The following DTX3L variants were observed in gnomAD, a reference collection of about 807,000 sequenced individuals.
DTX3L encodes the protein deltex E3 ubiquitin ligase 3L.
Under a neutral mutation model 60.9 loss-of-function variants are expected in DTX3L, and 34 were observed. The ratio of observed to expected loss-of-function variants is 0.56; its 90% CI spans 0.42 to 0.74. The LOEUF (loss-of-function observed/expected upper bound fraction) is 0.74, where lower values mean the gene tolerates loss of function less well. Ranked by LOEUF, DTX3L falls within the 30% of genes least tolerant of loss-of-function variation. The pLI is 0.00. For synonymous variants in DTX3L, 290 were observed against 316.6 expected (o/e 0.92, Z 0.89); for missense variants, 810 against 874.0 (o/e 0.93, Z 0.92).
rs760868237 is a variant in DTX3L at position 122,568,667 on chromosome 3, T to C, written c.578T>C (p.Leu193Pro). Reference protein sequence around the residue: ...RIHQFLSEQFLESEQKQQFSP... With the variant: ...RIHQFLSEQFPESEQKQQFSP... ...CATCAATTTTTGAGTGAGCAGTTCC[T>C]GGAAAGTGAGCAGAAACAACAATTT... The change falls in exon 3 of 5, where the codon CTG becomes CCG. Residue 193 changes from leucine to proline, a missense_variant. Transcript: ENST00000296161. 20 of 1,614,048 alleles carry C rather than the reference T, an allele frequency of 1.2e-5. No individual in the cohort carries two copies. Among genetic ancestry groups the C allele is most frequent in the Admixed American group, 5.0e-5 (3 of 60,004 alleles).
rs2107781564 is a variant in DTX3L at position 122,568,805 on chromosome 3, C to G, written c.716C>G (p.Pro239Arg). 1 of 1,613,978 alleles carries G rather than the reference C, an allele frequency of 6.2e-7. No homozygotes were observed. The highest frequency in any genetic ancestry group is 2.2e-5 in the East Asian group (1 of 44,884). ...CAAAAAAGCAACTATTTTGAAGTTC[C>G]CTTGCCTTACTTTGAATACTTTAAA... ...AEQKSNYFEV[P>R]LPYFEYFKYI... Residue 239 changes from proline (P) to arginine (R), a missense_variant, in exon 3 of 5, where the codon CCC becomes CGC. Coordinates refer to ENST00000296161, the MANE Select transcript of DTX3L (RefSeq NM_138287.3).
In DTX3L at chr3:122,564,399, C is replaced by A. The variant is rs746821453; in HGVS notation, c.-28C>A. The A allele has an allele frequency of 3.8e-6, 6 of 1,587,714 alleles. No homozygotes were observed. Among genetic ancestry groups the A allele is most frequent in the Admixed American group, 1.8e-5 (1 of 54,628 alleles). On this transcript the variant is annotated 5_prime_UTR_variant, in exon 1 of 5. Transcript: ENST00000296161. ...TTTACCGCCCAGCTGCCTCCCGGAG[C>A]CCCCGCGCCCTCCCGACGCGCAGAG...
At chr3:122,565,512 TAAA>T (rs770609802) in intron 1 of DTX3L, among the ~76,000 whole-genome samples, 9 of 53,110 alleles carry the variant, frequency 1.7e-4, no homozygotes, top group African/African-American at 5.5e-4. Flanking sequence ...AGACTCCGTC[TAAA>T]AAAAAAAAAA....
Position 122,569,209 on chromosome 3 carries a change from A to C in DTX3L, c.1120A>C (p.Met374Leu). The change falls in exon 3 of 5, where the codon ATG becomes CTG. Residue 374 changes from methionine to leucine, a missense_variant. Met to Leu is a conservative substitution (Grantham distance 15, BLOSUM62 2). Coordinates refer to ENST00000296161, the MANE Select transcript of DTX3L (RefSeq NM_138287.3). ...TGTGAAACTATTTGCTGCCAATTAC[A>C]TGATGAATGTAATTGAGGTTGATAG... ...IPVKLFAANY[M>L]MNVIEVDSAH... 6.2e-7 allele frequency: 1 copy of C among 1,614,236 alleles called. No individual in the cohort carries two copies. The highest frequency in any genetic ancestry group is 8.5e-7 in the Non-Finnish European group (1 of 1,180,034).
In DTX3L at chr3:122,570,530, A is replaced by G. The variant is rs1442503814; in HGVS notation, c.2011A>G (p.Arg671Gly). 3.1e-6 allele frequency: 5 copies of G among 1,614,086 alleles called. No individual in the cohort carries two copies. Among genetic ancestry groups the G allele is most frequent in the Middle Eastern group, 1.6e-4 (1 of 6,084 alleles). Residue 671 changes from arginine to glycine, a missense_variant, in exon 4 of 5, where the codon AGG becomes GGG. By Grantham distance (125) the Arg-to-Gly change is moderately radical. Coordinates refer to ENST00000296161, the MANE Select transcript of DTX3L (RefSeq NM_138287.3). ...ATACTTGCCTGATAATAAGGAAGGA[A>G]GGAAGGTTTTGAAACTGCTTTATAG... ...TAYLPDNKEG[R>G]KVLKLLYRAF...
Position 122,568,513 on chromosome 3 carries a change from C to A in DTX3L, c.424C>A (p.Leu142Met). 6.2e-7 allele frequency: 1 copy of A among 1,609,286 alleles called. No homozygotes were observed. The highest frequency in any genetic ancestry group is 8.5e-7 in the Non-Finnish European group (1 of 1,177,800). The part of the protein sequence containing the change: ...QKIFLTVTAD[L>M]NCNLFSKEQR... ...GATCTTTCTTACTGTAACAGCTGAC[C>A]TGAACTGTAACCTGTTCTCCAAAGA... is the stretch of plus-strand genomic sequence containing the variant. The change falls in exon 3 of 5, where the codon CTG (leucine) becomes ATG (methionine). Residue 142 changes from leucine (L) to methionine (M), a missense_variant. Transcript: ENST00000296161.
At chr3:122,571,592 TATTA>T in intron 4 of DTX3L, 82 bp from the exon 5 acceptor site, 1 of 1,020,586 alleles carries the variant, frequency 9.8e-7, no homozygotes, top group East Asian at 2.5e-5. Flanking sequence ...CAACACTGGA[TATTA>T]ATTAAATCCT....
In DTX3L at chr3:122,571,681, T is replaced by C. The variant is rs2080646754; in HGVS notation, c.2157T>C (p.Tyr719=). ...AAAGGAATTTTTGTTTCTTCAGGTATGGCTATCCTGATCCTTCTTACCTGA... is the reference window on the plus strand; with the variant it reads ...AAAGGAATTTTTGTTTCTTCAGGTACGGCTATCCTGATCCTTCTTACCTGA... ...KTSRFGGPEM[Y]GYPDPSYLKR... The change falls in exon 5 of 5, where the codon TAT becomes TAC. Residue 719 remains tyrosine (Y), a synonymous_variant. Coordinates refer to ENST00000296161, the MANE Select transcript of DTX3L (RefSeq NM_138287.3). 1 of 1,611,862 alleles carries C rather than the reference T, an allele frequency of 6.2e-7. No individual in the cohort carries two copies. Among genetic ancestry groups the C allele is most frequent in the African/African-American group, 1.3e-5 (1 of 74,878 alleles).
intron 4 of DTX3L, among the ~76,000 whole-genome samples, chr3:122,571,103 C>T (rs1206935682): frequency 2.6e-5 from 4 of 151,956 alleles, no homozygotes; most frequent in Admixed American, 2.6e-4. Flanking sequence ...TGTGAGGAGA[C>T]TATTGGTAGA....
chr3:122,569,364 G>T lies in DTX3L; in HGVS notation c.1275G>T (p.Arg425Ser), dbSNP rs777887825. 1 of 1,614,132 alleles carries T rather than the reference G, an allele frequency of 6.2e-7. No individual in the cohort carries two copies. The highest frequency in any genetic ancestry group is 8.5e-7 in the Non-Finnish European group (1 of 1,180,004). The change falls in exon 3 of 5, where the codon AGG (arginine) becomes AGT (serine). Residue 425 changes from arginine to serine, a missense_variant. Arg to Ser is a moderately radical substitution (Grantham distance 110). Transcript: ENST00000296161. The stretch of plus-strand genomic sequence containing the variant: ...GCATTCTGTTTGAATCCAAGGACAG[G>T]CAGGTAGATCTATCTGTGCATGCTT... ...KTCILFESKD[R>S]QVDLSVHAYA...
rs1224484241 is a variant in DTX3L at position 122,569,440 on chromosome 3, G to A, written c.1351G>A (p.Glu451Lys). The A allele has an allele frequency of 6.2e-7, 1 of 1,614,040 alleles. No individual in the cohort carries two copies. The highest frequency in any genetic ancestry group is 1.3e-5 in the African/African-American group (1 of 74,914). Reference sequence around the variant, plus strand: ...ACATGCCTCATGTCAGTTGATGAGAGAAGTTCTTTTACTGAAGTCTTTGGG... The same window carrying A: ...ACATGCCTCATGTCAGTTGATGAGAAAAGTTCTTTTACTGAAGTCTTTGGG... ...FQHASCQLMR[E>K]VLLLKSLGKE... Residue 451 changes from glutamate to lysine, a missense_variant, in exon 3 of 5, where the codon GAA becomes AAA. Coordinates refer to ENST00000296161, the MANE Select transcript of DTX3L (RefSeq NM_138287.3).
chr3:122,571,802 G>A lies in DTX3L; in HGVS notation c.*55G>A, dbSNP rs898079172. 2.0e-6 allele frequency: 3 copies of A among 1,478,528 alleles called. No homozygotes were observed. Among genetic ancestry groups the A allele is most frequent in the African/African-American group, 2.8e-5 (2 of 71,226 alleles). 91.6% of individuals were successfully genotyped at this position (1,478,528 alleles called of 1,614,324 possible). A position where few individuals can be genotyped will look rare whatever the true frequency, so the allele number is the denominator to read the frequency against. ...GCTTTCAAAAAAATATATTTTAGGAGGCTGATTTAATGCCAGTCTAAATCC... is the reference window on the plus strand; with the variant it reads ...GCTTTCAAAAAAATATATTTTAGGAAGCTGATTTAATGCCAGTCTAAATCC... On this transcript the variant is annotated 3_prime_UTR_variant, in exon 5 of 5. Coordinates refer to ENST00000296161, the MANE Select transcript of DTX3L (RefSeq NM_138287.3).
Position 122,570,678 on chromosome 3 carries a change from A to G in DTX3L, c.2153+6A>G, listed in dbSNP as rs1378555437. ...CGGTTTGGAGGACCAGAAATGTGAG[A>G]TCCTTTTGGGATGTAATGGCTGCTC... On this transcript the variant is annotated splice_donor_region_variant and intron_variant, in intron 4 of 4. Transcript: ENST00000296161. The G allele has an allele frequency of 6.2e-7, 1 of 1,614,030 alleles. No homozygotes were observed. The highest frequency in any genetic ancestry group is 1.1e-5 in the South Asian group (1 of 91,084).
chr3:122,569,031 C>G lies in DTX3L; in HGVS notation c.942C>G (p.Asp314Glu), dbSNP rs373861458. 4.3e-5 allele frequency: 69 copies of G among 1,613,952 alleles called. No homozygotes were observed. The highest frequency in any genetic ancestry group is 5.8e-5 in the Non-Finnish European group (68 of 1,180,026). The stretch of plus-strand genomic sequence containing the variant: ...AGCAAGAATGTGTCTCTTTAGCAGA[C>G]AGTAAGCAGGCAAATAAATTCAAAC... ...PLKQECVSLA[D>E]SKQANKFKQE... The change falls in exon 3 of 5, where the codon GAC (aspartate) becomes GAG (glutamate). Residue 314 changes from aspartate to glutamate, a missense_variant. By Grantham distance (45) the Asp-to-Glu change is conservative (BLOSUM62 2). Transcript: ENST00000296161.
At chr3:122,571,541 A>ATCCACCTTTTATGCCAAT in intron 4 of DTX3L, 137 bp from the exon 5 acceptor site, 1 of 650,472 alleles carries the variant, frequency 1.5e-6, no homozygotes, top group Non-Finnish European at 2.6e-6. Context: ...TTTAAAAGTC[A>ATCCACCTTTTATGCCAAT]TGATACGTCA....
chr3:122,571,620 T>G, intron 4 of DTX3L, 58 bp from the exon 5 acceptor site: 1 of 1,283,892 alleles, frequency 7.8e-7, no homozygotes, highest in Non-Finnish European at 1.1e-6. Flanking sequence ...ATGCTGGATA[T>G]CTATTGCACA....
At chr3:122,568,107 C>T (rs1476776181) in intron 2 of DTX3L, among the ~76,000 whole-genome samples, 1 of 152,100 alleles carries the variant, frequency 6.6e-6, no homozygotes, top group Non-Finnish European at 1.5e-5. Context: ...GTCAGGAGTT[C>T]CAGGCTAGCC....
In DTX3L at chr3:122,570,545, C is replaced by T. The variant is rs2080637909; in HGVS notation, c.2026C>T (p.Leu676=). Residue 676 remains leucine, a synonymous_variant, in exon 4 of 5, where the codon CTG becomes TTG. Transcript: ENST00000296161. ...DNKEGRKVLK[L]LYRAFDQKLI... is the part of the protein sequence containing the mutation. ...TAAGGAAGGAAGGAAGGTTTTGAAACTGCTTTATAGGGCCTTTGACCAAAA... is the reference window on the plus strand; with the variant it reads ...TAAGGAAGGAAGGAAGGTTTTGAAATTGCTTTATAGGGCCTTTGACCAAAA... The T allele has an allele frequency of 6.2e-7, 1 of 1,614,170 alleles. No individual in the cohort carries two copies. Among genetic ancestry groups the T allele is most frequent in the Non-Finnish European group, 8.5e-7 (1 of 1,180,030 alleles).
rs142647416 is a variant in DTX3L, at chr3:122,569,298, T to G, written c.1209T>G (p.Tyr403Ter). The G allele has an allele frequency of 1.3e-4, 215 of 1,614,210 alleles. No homozygotes were observed. The highest frequency in any genetic ancestry group is 1.3e-4 in the Non-Finnish European group (157 of 1,180,042). Residue 403 changes from tyrosine (Y) to a stop codon, truncating the protein, a stop_gained, in exon 3 of 5, where the codon TAT becomes TAG. Transcript: ENST00000296161. LOFTEE classifies it high-confidence loss of function. ...LQEISEIEKR[Y>*]DICSKVSEKG... ...AGATATCAGAGATCGAAAAAAGGTA[T>G]GACATTTGCAGCAAGGTTTCTGAGA...
Sources: gnomAD v4.1 joint callset for allele counts (sites outside exome capture counted in the v4.1 genomes callset) on GRCh38, gnomAD v4.1.1 for gene constraint, MANE v1.5 for transcripts, NCBI Gene and HGNC (gene_info 2026-07-23, HGNC 2026-07-21) for gene names.